The following IQGAP2 variants were observed in gnomAD, a reference collection of about 807,000 sequenced individuals.
IQGAP2 encodes ras GTPase-activating-like protein IQGAP2.
Under a neutral mutation model 201.3 loss-of-function variants are expected in IQGAP2, and 173 were observed. The observed-to-expected ratio is 0.86, with a 90% confidence interval of 0.76 to 0.98. The LOEUF is 0.98. Ranked by LOEUF, IQGAP2 falls within the 50% of genes least tolerant of loss-of-function variation. The pLI, the probability that IQGAP2 is intolerant of heterozygous loss-of-function variation, is 0.00. For synonymous variants in IQGAP2, 675 were observed against 673.9 expected, an observed-to-expected ratio of 1.00 and a Z score of -0.03; for missense variants, 1,687 against 1,864.8, an observed-to-expected ratio of 0.90 and a Z score of 1.76.
At position 76,568,577 on chromosome 5, in the gene IQGAP2, A is replaced by T. The variant is rs543290657; in HGVS notation, c.304-2003A>T. Reference sequence around the variant, plus strand: ...GATTGTTGGAGCCCACCAGTTTTGGACACCAGAAGCCCTCTGTGGTCAAAC... The same window carrying T: ...GATTGTTGGAGCCCACCAGTTTTGGTCACCAGAAGCCCTCTGTGGTCAAAC... On this transcript the variant is annotated intron_variant, in intron 3 of 35. Transcript: ENST00000274364. Among the ~76,000 whole-genome samples the T allele has an allele frequency of 1.6e-4, 24 of 152,328 alleles. No individual in the cohort carries two copies. The South Asian group carries it at 5.0e-3, about 32-fold the overall frequency.
chr5:76,701,358 C>G (rs546389904), intron 34 of IQGAP2, 145 bp downstream of exon 34: 1 of 761,162 alleles, frequency 1.3e-6, no homozygotes, highest in South Asian at 1.7e-5. Context: ...TATGGCTACT[C>G]TTCCCTTGGC....
At chr5:76,443,626 A>C (rs368829624) in intron 1 of IQGAP2, among the ~76,000 whole-genome samples, 67 of 152,244 alleles carry the variant, frequency 4.4e-4, no homozygotes, top group African/African-American at 1.6e-3. Context: ...CTCTGAAAAT[A>C]AAGCCGTCTC....
chr5:76,496,725 T>TTTCTTTTC (rs201757003), intron 2 of IQGAP2, among the ~76,000 whole-genome samples: 160 of 93,594 alleles, frequency 1.7e-3, no homozygotes, highest in Middle Eastern at 4.5e-3. Context: ...TCTTTCTTTC[T>TTTCTTTTC]TTTCTTTCTT....
chr5:76,678,361 C>T (rs556296691), intron 28 of IQGAP2, among the ~76,000 whole-genome samples: 2 of 151,684 alleles, frequency 1.3e-5, no homozygotes, highest in African/African-American at 4.8e-5. Flanking sequence ...GGGTGCAGGG[C>T]ACTGTGCTCA....
rs115302538 is a variant in IQGAP2 at position 76,548,720 on chromosome 5, A to G, written c.147-13676A>G. On this transcript the variant is annotated intron_variant, in intron 2 of 35. Coordinates refer to ENST00000274364, the MANE Select transcript of IQGAP2 (RefSeq NM_006633.5). ...TGAGAATACATTCATATAAGTGCCA[A>G]GTACCTGCTAAGTGCTAGTCCATGT... Among the ~76,000 whole-genome samples, 1,003 of 152,348 alleles carry G rather than the reference A, an allele frequency of 6.6e-3. 7 individuals are homozygous for G. Among genetic ancestry groups the G allele is most frequent in the African/African-American group, 0.023 (940 of 41,574 alleles).
In IQGAP2 at chr5:76,468,250, T is replaced by TA. The variant is rs550853343; in HGVS notation, c.146+6582dup. Among the ~76,000 whole-genome samples, 410 of 152,298 alleles carry TA rather than the reference T, an allele frequency of 2.7e-3. 1 individual carries two copies. Among genetic ancestry groups the TA allele is most frequent in the Non-Finnish European group, 4.2e-3 (286 of 68,018 alleles). ...GAAGGTACCCCTAAGATACACGAGA[T>TA]ATCTAAATACTGTGTTTGTTTTACA... On this transcript the variant is annotated intron_variant, in intron 2 of 35. Coordinates refer to ENST00000274364, the MANE Select transcript of IQGAP2 (RefSeq NM_006633.5).
At chr5:76,551,975 T>C (rs1743582845) in intron 2 of IQGAP2, among the ~76,000 whole-genome samples, 1 of 151,866 alleles carries the variant, frequency 6.6e-6, no homozygotes. Flanking sequence ...CCTTGGACAA[T>C]GACAGCCTCA....
chr5:76,634,477 C>A (rs1447108101), intron 15 of IQGAP2, among the ~76,000 whole-genome samples: 1 of 152,044 alleles, frequency 6.6e-6, no homozygotes, highest in Non-Finnish European at 1.5e-5. Context: ...CCAGGTTGGT[C>A]TCGAACTCCT....
chr5:76,648,205 C>T lies in IQGAP2; in HGVS notation c.2095-4545C>T, dbSNP rs973056498. ...CTCCCAGCAATAACGAGGAGGCCTT[C>T]CCCACCTTAGTAGTAAGGTTCCTTG... On this transcript the variant is annotated intron_variant, in intron 17 of 35. Transcript: ENST00000274364. Among the ~76,000 whole-genome samples the T allele has an allele frequency of 3.9e-5, 6 of 152,162 alleles. No homozygotes were observed. In the South Asian group the frequency reaches 1.0e-3, roughly 26 times the overall value.
chr5:76,651,333 G>A (rs534007393), intron 17 of IQGAP2, among the ~76,000 whole-genome samples: 2 of 152,320 alleles, frequency 1.3e-5, no homozygotes, highest in South Asian at 4.1e-4. Context: ...GGCCAGGCAT[G>A]GCTAACACCT....
intron 1 of IQGAP2, among the ~76,000 whole-genome samples, chr5:76,439,485 A>G (rs999338052): frequency 6.6e-6 from 1 of 152,210 alleles, no homozygotes; most frequent in African/African-American, 2.4e-5. Flanking sequence ...TCTATTTCTT[A>G]GGTCCAGTAA....
chr5:76,608,839 G>A (rs62362037), intron 12 of IQGAP2: 45,192 of 306,316 alleles, frequency 0.15, 3,844 homozygotes, highest in Admixed American at 0.29. Context: ...AATTTGGTAG[G>A]TACAATTCTG....
At position 76,574,151 on chromosome 5, in the gene IQGAP2, T is replaced by A. The variant is rs558713523; in HGVS notation, c.382-1542T>A. On this transcript the variant is annotated intron_variant, in intron 4 of 35. Coordinates refer to ENST00000274364, the MANE Select transcript of IQGAP2 (RefSeq NM_006633.5). Reference sequence around the variant, plus strand: ...TGATGCATTATTTTAGTTTTTGATGTCAGTTTTTATAAAATATTTACTTAA... The same window carrying A: ...TGATGCATTATTTTAGTTTTTGATGACAGTTTTTATAAAATATTTACTTAA... 2.0e-5 allele frequency among the ~76,000 whole-genome samples: 3 copies of A among 152,324 alleles called. No homozygotes were observed. The South Asian group carries it at 6.2e-4, about 32-fold the overall frequency.
rs140791769 is a variant in IQGAP2 at position 76,450,709 on chromosome 5, G to A, written c.47-10861G>A. On this transcript the variant is annotated intron_variant, in intron 1 of 35. Transcript: ENST00000274364. ...TGTTTTATGACTTCTCATGAGTCTG[G>A]TCTCCTTACAAACCCTAAATGTGTG... 2.3e-3 allele frequency among the ~76,000 whole-genome samples: 343 copies of A among 152,196 alleles called. 1 individual carries two copies. Among genetic ancestry groups the A allele is most frequent in the African/African-American group, 7.9e-3 (326 of 41,528 alleles).
chr5:76,692,574 A>T (rs762055105), intron 30 of IQGAP2, among the ~76,000 whole-genome samples: 4 of 152,132 alleles, frequency 2.6e-5, no homozygotes, highest in Non-Finnish European at 5.9e-5. Flanking sequence ...ACATAACATG[A>T]TGCCTCCCTA....
At position 76,611,291 on chromosome 5, in the gene IQGAP2, C is replaced by A. The variant is rs998668872; in HGVS notation, c.1521+108C>A. 4 of 716,350 alleles carry A rather than the reference C, an allele frequency of 5.6e-6. No individual in the cohort carries two copies. The African/African-American group carries it at 7.1e-5, about 13-fold the overall frequency. 44.4% of individuals were successfully genotyped at this position (716,350 alleles called of 1,614,324 possible). On this transcript the variant is annotated intron_variant, in intron 13 of 35. Coordinates refer to ENST00000274364, the MANE Select transcript of IQGAP2 (RefSeq NM_006633.5). ...CGTTAAATCTCATGAGCTTCTTGTC[C>A]CAACAATTACCCATGAATCAGAATG...
chr5:76,692,504 T>C (rs1746356900), intron 30 of IQGAP2, among the ~76,000 whole-genome samples: 1 of 152,206 alleles, frequency 6.6e-6, no homozygotes, highest in Non-Finnish European at 1.5e-5. Context: ...GTTTCCACCT[T>C]ATGTAAAAGT....
At chr5:76,562,936 C>G (rs145004121) in intron 3 of IQGAP2, among the ~76,000 whole-genome samples, 75 of 152,330 alleles carry the variant, frequency 4.9e-4, no homozygotes, top group African/African-American at 1.6e-3. Context: ...GTCGAATGAT[C>G]AGCCAAGAAT....
intron 33 of IQGAP2, 137 bp from the exon 34 acceptor site, chr5:76,700,939 C>A: frequency 1.2e-6 from 1 of 804,878 alleles, no homozygotes; most frequent in Non-Finnish European, 1.9e-6. Flanking sequence ...CCTACTATCA[C>A]AAAATAAAAA....
Sources: gnomAD v4.1 joint callset for allele counts (sites outside exome capture counted in the v4.1 genomes callset) on GRCh38, gnomAD v4.1.1 for gene constraint, MANE v1.5 for transcripts, NCBI Gene and HGNC (gene_info 2026-07-23, HGNC 2026-07-21) for gene names.